The following CRY1 variants were observed in gnomAD, a reference collection of about 807,000 sequenced individuals.
The protein encoded by CRY1 is cryptochrome circadian regulator 1, also known as cryptochrome-1.
In CRY1, 45 loss-of-function variants were observed where a neutral mutation model predicts 76.0. The observed-to-expected ratio is 0.59, with a 90% CI of 0.47 to 0.76. CRY1 has a LOEUF of 0.76. CRY1 is among the 30% of genes least tolerant of loss of function. The probability of loss-of-function intolerance (pLI) is 0.00; values close to 1 mark genes in which losing one functional copy is unlikely to be tolerated. For synonymous variants in CRY1, 248 were observed against 244.0 expected (o/e 1.02, Z -0.15); for missense variants, 587 against 716.4 (o/e 0.82, Z 2.06).
At chr12:107,007,501 C>T (rs188694193) in intron 2 of CRY1, among the ~76,000 whole-genome samples, 1 of 151,696 alleles carries the variant, frequency 6.6e-6, no homozygotes, top group East Asian at 1.9e-4. Context: ...ATAGCAAGCC[C>T]TCAATGAATG....
chr12:107,092,169 G>T (rs1024991043), intron 1 of CRY1, among the ~76,000 whole-genome samples: 4 of 152,164 alleles, frequency 2.6e-5, no homozygotes, highest in African/African-American at 9.7e-5. Context: ...TTCAGGAAAA[G>T]ATCATAAAGC....
intron 3 of CRY1, 100 bp downstream of exon 3, chr12:107,005,006 A>G: frequency 9.5e-7 from 1 of 1,057,096 alleles, no homozygotes; most frequent in Non-Finnish European, 1.3e-6. Context: ...AAACTTATCT[A>G]TGTAGTTAAT....
chr12:107,027,858 T>C (rs1319344551), intron 1 of CRY1, among the ~76,000 whole-genome samples: 2 of 152,160 alleles, frequency 1.3e-5, no homozygotes, highest in African/African-American at 4.8e-5. Context: ...GTCTATGAAA[T>C]AGTCCAAAAA....
intron 1 of CRY1, among the ~76,000 whole-genome samples, chr12:107,042,777 T>C (rs1024156628): frequency 2.6e-5 from 4 of 151,912 alleles, no homozygotes; most frequent in Non-Finnish European, 5.9e-5. Context: ...ACACGGAGAA[T>C]GGAAGGAAAT....
intron 4 of CRY1, 97 bp from the exon 5 acceptor site, chr12:107,001,465 G>C (rs2136823366): frequency 1.9e-6 from 2 of 1,045,276 alleles, no homozygotes; most frequent in African/African-American, 1.6e-5. Flanking sequence ...GAAAAATTAA[G>C]AGAGTACCAT....
At chr12:107,007,346 G>A (rs1344796018) in intron 2 of CRY1, among the ~76,000 whole-genome samples, 2 of 152,146 alleles carry the variant, frequency 1.3e-5, no homozygotes, top group Non-Finnish European at 2.9e-5. Context: ...GGTAGAGTAA[G>A]TAAGGTGCAG....
intron 10 of CRY1, among the ~76,000 whole-genome samples, chr12:106,996,059 T>C (rs2136817989): frequency 6.6e-6 from 1 of 152,296 alleles, no homozygotes; most frequent in East Asian, 1.9e-4. Flanking sequence ...GGTCAGGGGC[T>C]GGTCTCAAAC....
chr12:107,088,681 C>T lies in CRY1; in HGVS notation c.158+4123G>A, dbSNP rs578031663. ...CTAGTCTAAAGGTATTTTGTTATAG[C>T]AGCTCAAACAAACTATTAATAAAAC... On this transcript the variant is annotated intron_variant, in intron 1 of 12. Coordinates refer to ENST00000008527, the MANE Select transcript of CRY1 (RefSeq NM_004075.5). Among the ~76,000 whole-genome samples, 29 of 152,304 alleles carry T rather than the reference C, an allele frequency of 1.9e-4. No homozygotes were observed. In the South Asian group the frequency reaches 6.0e-3, roughly 32 times the overall value.
At chr12:107,025,780 A>T (rs1426860904) in intron 1 of CRY1, among the ~76,000 whole-genome samples, 1 of 152,014 alleles carries the variant, frequency 6.6e-6, no homozygotes, top group Non-Finnish European at 1.5e-5. Flanking sequence ...TCAACGACTC[A>T]TTCCCTATAC....
chr12:107,009,077 A>G lies in CRY1; in HGVS notation c.268-3829T>C, dbSNP rs1002291510. On this transcript the variant is annotated intron_variant, in intron 2 of 12. Transcript: ENST00000008527. ...CTAGTTAGCTAAAAGACCTTTTTAAAAAGTATACACGGGTGTTGAATTATG... is the reference window on the plus strand; with the variant it reads ...CTAGTTAGCTAAAAGACCTTTTTAAGAAGTATACACGGGTGTTGAATTATG... 2.0e-5 allele frequency among the ~76,000 whole-genome samples: 3 copies of G among 152,250 alleles called. No homozygotes were observed. The East Asian group carries it at 5.8e-4, about 29-fold the overall frequency.
chr12:107,006,546 T>C (rs1952376442), intron 2 of CRY1, among the ~76,000 whole-genome samples: 1 of 151,938 alleles, frequency 6.6e-6, no homozygotes, highest in South Asian at 2.1e-4. Context: ...TGTCAAATTA[T>C]GTACCAGAAA....
intron 1 of CRY1, among the ~76,000 whole-genome samples, chr12:107,074,381 C>T (rs1953225006): frequency 1.3e-5 from 2 of 152,168 alleles, no homozygotes; most frequent in South Asian, 4.2e-4. Context: ...AACAAGAAAA[C>T]TAAATAAAAA....
At chr12:107,064,845 G>A (rs1157841097) in intron 1 of CRY1, among the ~76,000 whole-genome samples, 2 of 152,188 alleles carry the variant, frequency 1.3e-5, no homozygotes, top group Non-Finnish European at 2.9e-5. Flanking sequence ...AAATATGTTA[G>A]AAGAAAAATA....
intron 1 of CRY1, among the ~76,000 whole-genome samples, chr12:107,060,822 C>G (rs1953037868): frequency 1.3e-5 from 2 of 152,024 alleles, no homozygotes; most frequent in East Asian, 3.9e-4. Context: ...ACTAAAAATA[C>G]AAAAAATTAG....
intron 1 of CRY1, among the ~76,000 whole-genome samples, chr12:107,035,963 C>T (rs1021905823): frequency 2.0e-5 from 3 of 152,184 alleles, no homozygotes; most frequent in Non-Finnish European, 4.4e-5. Context: ...AAATCAGTGG[C>T]TTGACAAAAC....
chr12:107,065,318 C>T (rs1921135), intron 1 of CRY1, among the ~76,000 whole-genome samples: 71,252 of 151,452 alleles, frequency 0.47, 18,715 homozygotes, highest in East Asian at 0.72. Flanking sequence ...AAAGGCCGGG[C>T]GCGGTGGCTC....
chr12:107,035,458 T>C (rs1440842666), intron 1 of CRY1, among the ~76,000 whole-genome samples: 2 of 152,228 alleles, frequency 1.3e-5, no homozygotes, highest in Non-Finnish European at 2.9e-5. Flanking sequence ...ATAATGATGA[T>C]TACAGCTGCA....
chr12:107,075,222 T>A (rs1953238232), intron 1 of CRY1, among the ~76,000 whole-genome samples: 1 of 152,204 alleles, frequency 6.6e-6, no homozygotes, highest in Non-Finnish European at 1.5e-5. Context: ...TCAGTTAAAG[T>A]TCTAGACATA....
chr12:107,001,551 T>C (rs1156812940), intron 4 of CRY1, among the ~76,000 whole-genome samples, 183 bp from the exon 5 acceptor site: 2 of 152,226 alleles, frequency 1.3e-5, no homozygotes, highest in African/African-American at 2.4e-5. Context: ...AGGATGTACA[T>C]CTTAAGGTGG....
Sources: gnomAD v4.1 joint callset for allele counts (sites outside exome capture counted in the v4.1 genomes callset) on GRCh38, gnomAD v4.1.1 for gene constraint, MANE v1.5 for transcripts, NCBI Gene and HGNC (gene_info 2026-07-23, HGNC 2026-07-21) for gene names.